The following KAZN variants were observed in gnomAD, a reference collection of about 807,000 sequenced individuals.
The protein encoded by KAZN is kazrin, periplakin interacting protein.
Under a neutral mutation model 87.4 loss-of-function variants are expected in KAZN, and 40 were observed. The observed-to-expected ratio is 0.46, with a 90% CI of 0.36 to 0.60. The LOEUF is 0.60. Among genes scored for constraint, KAZN ranks in the 20% least tolerant of loss-of-function variants. The pLI, the probability that KAZN is intolerant of heterozygous loss-of-function variation, is 0.00. For missense variants in KAZN, 898 were observed against 1,073.9 expected, an observed-to-expected ratio of 0.84 and a Z score of 2.29; for synonymous variants, 466 against 458.3, an observed-to-expected ratio of 1.02 and a Z score of -0.22.
At chr1:14,164,134 T>G (rs10429930) in intron 1 of KAZN, among the ~76,000 whole-genome samples, 22,118 of 152,208 alleles carry the variant, frequency 0.15, 1,789 homozygotes, top group East Asian at 0.33. Flanking sequence ...ATAAATTACC[T>G]CCAATGCCTT....
chr1:14,013,312 T>G (rs948672410), intron 1 of KAZN, among the ~76,000 whole-genome samples: 19 of 152,358 alleles, frequency 1.2e-4, no homozygotes, highest in African/African-American at 4.3e-4. Flanking sequence ...GGAACAAAGT[T>G]GTTCCTCGAT....
At chr1:13,945,473 C>CAA (rs35661143) in intron 1 of KAZN, among the ~76,000 whole-genome samples, 1 of 110,290 alleles carries the variant, frequency 9.1e-6, no homozygotes. Flanking sequence ...GAGTCCGTCT[C>CAA]AAAAAAAAAA....
chr1:14,200,885 T>G lies in KAZN; in HGVS notation c.249+20293T>G, dbSNP rs150114317. 1.3e-4 allele frequency among the ~76,000 whole-genome samples: 20 copies of G among 152,140 alleles called. No individual in the cohort carries two copies. The East Asian group carries it at 3.7e-3, about 28-fold the overall frequency. On this transcript the variant is annotated intron_variant, in intron 2 of 16. Coordinates refer to the KAZN transcript ENST00000636203. ...AATTTAATGATAATTTTTTGAAAGA[T>G]AAAGCACCCAGCTGGCTGGCTCCAT...
intron 1 of KAZN, among the ~76,000 whole-genome samples, chr1:13,972,219 A>G (rs2101051966): frequency 6.6e-6 from 1 of 152,164 alleles, no homozygotes; most frequent in Non-Finnish European, 1.5e-5. Flanking sequence ...ACTCCAATAA[A>G]ATACTAATGA....
chr1:14,876,016 G>A (rs925551185), intron 1 of KAZN, among the ~76,000 whole-genome samples: 8 of 152,216 alleles, frequency 5.3e-5, no homozygotes, highest in Non-Finnish European at 7.3e-5. Flanking sequence ...AGAGTGAGCC[G>A]CTCCTCTGAA....
At chr1:14,396,567 T>C (rs1662919722) in intron 2 of KAZN, among the ~76,000 whole-genome samples, 1 of 152,202 alleles carries the variant, frequency 6.6e-6, no homozygotes, top group South Asian at 2.1e-4. Flanking sequence ...ACAGATGAAA[T>C]TGCAGATAAT....
chr1:14,902,209 G>A (rs778371682), intron 1 of KAZN, among the ~76,000 whole-genome samples: 2 of 151,610 alleles, frequency 1.3e-5, no homozygotes, highest in East Asian at 1.9e-4. Context: ...TAGAAAATCC[G>A]AAGTTCTGAG....
intron 2 of KAZN, among the ~76,000 whole-genome samples, chr1:14,463,289 G>A (rs1223907881): frequency 6.6e-6 from 1 of 152,130 alleles, no homozygotes; most frequent in Non-Finnish European, 1.5e-5. Context: ...CTAGGGATTG[G>A]TTTTTTGCCA....
At chr1:13,983,859 CA>C (rs1638878233) in intron 1 of KAZN, among the ~76,000 whole-genome samples, 2 of 152,114 alleles carry the variant, frequency 1.3e-5, no homozygotes, top group African/African-American at 4.8e-5. Flanking sequence ...CTCCTCTTTT[CA>C]AAACCTAAAC....
intron 2 of KAZN, among the ~76,000 whole-genome samples, chr1:14,483,847 T>A (rs915743022): frequency 3.0e-4 from 45 of 152,232 alleles, no homozygotes; most frequent in African/African-American, 8.9e-4. Context: ...CTGACCAGTG[T>A]CATGGAGCCA....
At chr1:14,650,577 T>C (rs1184144821) in intron 1 of KAZN, among the ~76,000 whole-genome samples, 1 of 152,042 alleles carries the variant, frequency 6.6e-6, no homozygotes, top group African/African-American at 2.4e-5. Flanking sequence ...AAAGACACAA[T>C]GGGACCAAGA....
chr1:14,169,448 C>T (rs2100250972), intron 1 of KAZN, among the ~76,000 whole-genome samples: 2 of 152,304 alleles, frequency 1.3e-5, no homozygotes, highest in African/African-American at 4.8e-5. Context: ...CTGGGTGCCT[C>T]AGCTCCAATT....
intron 1 of KAZN, among the ~76,000 whole-genome samples, chr1:14,691,433 C>T (rs1336172388): frequency 2.6e-5 from 4 of 152,136 alleles, no homozygotes; most frequent in African/African-American, 9.7e-5. Context: ...GAAAGAATAA[C>T]AGTATTAACA....
intron 1 of KAZN, among the ~76,000 whole-genome samples, chr1:14,864,296 G>A (rs1411493742): frequency 6.6e-6 from 1 of 152,242 alleles, no homozygotes. Context: ...CGGGCGCGGT[G>A]GCTCACGCCT....
At chr1:14,668,947 C>G (rs1400668613) in intron 1 of KAZN, among the ~76,000 whole-genome samples, 2 of 152,196 alleles carry the variant, frequency 1.3e-5, no homozygotes, top group East Asian at 3.9e-4. Context: ...GAATAGAAAC[C>G]ATGCAGAGAC....
intron 1 of KAZN, among the ~76,000 whole-genome samples, chr1:14,785,899 T>G (rs1347279334): frequency 6.6e-6 from 1 of 152,186 alleles, no homozygotes; most frequent in African/African-American, 2.4e-5. Context: ...CCAAACCAAC[T>G]GTCTCTGGGT....
At position 15,056,084 on chromosome 1, in the gene KAZN, T is replaced by C. The variant is rs1353612871; in HGVS notation, c.727-7T>C. 4 of 1,589,872 alleles carry C rather than the reference T, an allele frequency of 2.5e-6. No homozygotes were observed. The highest frequency in any genetic ancestry group is 3.4e-6 in the Non-Finnish European group (4 of 1,160,966). On this transcript the variant is annotated splice_region_variant and splice_polypyrimidine_tract_variant and intron_variant, in intron 4 of 14. Coordinates refer to ENST00000376030, the MANE Select transcript of KAZN (RefSeq NM_201628.3). The surrounding 1 kb of genome is among the most constrained non-coding windows in gnomAD (Gnocchi z 5.4). ...ACTTCTTCTTCCTGTCTTCTTGCTCTCTCCAGGCCAAACAGTCCTTAGCTA... is the reference window on the plus strand; with the variant it reads ...ACTTCTTCTTCCTGTCTTCTTGCTCCCTCCAGGCCAAACAGTCCTTAGCTA...
chr1:14,116,760 C>T (rs7549779), intron 1 of KAZN, among the ~76,000 whole-genome samples: 15,567 of 152,202 alleles, frequency 0.1, 1,000 homozygotes, highest in Middle Eastern at 0.17. Context: ...ACACTCAATG[C>T]CAGCCTGTGA....
intron 1 of KAZN, among the ~76,000 whole-genome samples, chr1:14,077,306 C>CA (rs1643501063): frequency 6.6e-6 from 1 of 152,070 alleles, no homozygotes; most frequent in Non-Finnish European, 1.5e-5. Flanking sequence ...ATGTCTTCTG[C>CA]AAAAAATGTC....
Sources: allele counts gnomAD v4.1 joint callset (sites outside exome capture counted in the v4.1 genomes callset), GRCh38; gene constraint gnomAD v4.1.1; non-coding constraint Gnocchi (gnomAD v3.1); transcripts MANE v1.5; gene names NCBI Gene and HGNC (gene_info 2026-07-23, HGNC 2026-07-21).